RABGAP1L: variants seen among roughly 807,000 people sequenced by gnomAD.
RABGAP1L encodes the protein RAB GTPase activating protein 1 like.
In RABGAP1L, 63 loss-of-function variants were observed where a neutral mutation model predicts 137.7. That is an observed-to-expected ratio of 0.46 (90% CI 0.37 to 0.56). RABGAP1L has a LOEUF of 0.56. Among genes scored for constraint, RABGAP1L ranks in the 20% least tolerant of loss-of-function variants. The pLI, the probability that RABGAP1L is intolerant of heterozygous loss-of-function variation, is 0.00. For missense variants in RABGAP1L, 1,095 were observed against 1,244.0 expected (o/e 0.88, Z 1.80); for synonymous variants, 431 against 433.7 (o/e 0.99, Z 0.08).
intron 18 of RABGAP1L, among the ~76,000 whole-genome samples, chr1:174,780,887 A>G (rs906811971): frequency 6.6e-6 from 1 of 151,112 alleles, no homozygotes; most frequent in Non-Finnish European, 1.5e-5. Context: ...ATGTCCCTAC[A>G]AAGGACATGA....
chr1:174,177,069 C>G (rs1558005917), intron 1 of RABGAP1L, among the ~76,000 whole-genome samples: 1 of 152,132 alleles, frequency 6.6e-6, no homozygotes, highest in Admixed American at 6.5e-5. Context: ...GAGTGAGACC[C>G]TCTCTCAAAA....
At chr1:174,372,394 C>T (rs1190656138) in intron 12 of RABGAP1L, among the ~76,000 whole-genome samples, 2 of 151,956 alleles carry the variant, frequency 1.3e-5, no homozygotes, top group Non-Finnish European at 1.5e-5. Flanking sequence ...TGGTTATAGG[C>T]AGTGCTTTTT....
Position 174,745,003 on chromosome 1 carries a change from C to A in RABGAP1L, c.2170-7310C>A, listed in dbSNP as rs1017979054. Among the ~76,000 whole-genome samples the A allele has an allele frequency of 2.8e-4, 42 of 152,112 alleles. 1 individual carries two copies. Among genetic ancestry groups the A allele is most frequent in the Non-Finnish European group, 5.9e-5 (4 of 68,020 alleles). On this transcript the variant is annotated intron_variant, in intron 17 of 25. Transcript: ENST00000681986. ...TCCAAGTGAAAAAAAGTAATTAAAA[C>A]CAATCATTTATTTTCTTACAATCTC...
At chr1:174,924,901 GA>G (rs999594965) in intron 19 of RABGAP1L, among the ~76,000 whole-genome samples, 3 of 152,126 alleles carry the variant, frequency 2.0e-5, no homozygotes, top group Non-Finnish European at 4.4e-5. Context: ...AACTAATGTG[GA>G]AAAAATAGGA....
intron 13 of RABGAP1L, among the ~76,000 whole-genome samples, chr1:174,526,301 G>C (rs1006729797): frequency 3.9e-5 from 6 of 151,914 alleles, no homozygotes; most frequent in African/African-American, 1.5e-4. Context: ...TTTTGTTGTT[G>C]TTGTTGTTAT....
chr1:174,950,986 A>G (rs1667616662), intron 19 of RABGAP1L, among the ~76,000 whole-genome samples: 1 of 152,208 alleles, frequency 6.6e-6, no homozygotes, highest in Non-Finnish European at 1.5e-5. Context: ...GATAGCTCTT[A>G]CAAGTGACTG....
chr1:174,949,250 G>A (rs1667364571), intron 19 of RABGAP1L, among the ~76,000 whole-genome samples: 1 of 152,190 alleles, frequency 6.6e-6, no homozygotes, highest in African/African-American at 2.4e-5. Context: ...AATGATGTCA[G>A]ATTTGCATCC....
At chr1:174,798,396 C>T (rs1259238265) in intron 18 of RABGAP1L, among the ~76,000 whole-genome samples, 1 of 151,244 alleles carries the variant, frequency 6.6e-6, no homozygotes, top group African/African-American at 2.4e-5. Flanking sequence ...GAGCGACAAT[C>T]CGTTTCAAAC....
At chr1:174,349,049 G>T (rs1288939908) in intron 11 of RABGAP1L, among the ~76,000 whole-genome samples, 8 of 147,678 alleles carry the variant, frequency 5.4e-5, no homozygotes, top group South Asian at 2.2e-4. Flanking sequence ...CCGGGCGGGG[G>T]GGGGGCTGAC....
intron 13 of RABGAP1L, among the ~76,000 whole-genome samples, chr1:174,564,393 T>C (rs1667429547): frequency 6.6e-6 from 1 of 152,214 alleles, no homozygotes; most frequent in Non-Finnish European, 1.5e-5. Flanking sequence ...TATCAGCTAC[T>C]CTACCAGGTG....
chr1:174,889,510 T>C (rs1655762050), intron 19 of RABGAP1L, among the ~76,000 whole-genome samples: 1 of 152,128 alleles, frequency 6.6e-6, no homozygotes, highest in Non-Finnish European at 1.5e-5. Context: ...AGCCTCGAAC[T>C]CCTGGGCTCA....
At chr1:174,953,832 G>T (rs1324947129) in intron 19 of RABGAP1L, among the ~76,000 whole-genome samples, 8 of 152,230 alleles carry the variant, frequency 5.3e-5, no homozygotes, top group Non-Finnish European at 7.3e-5. Flanking sequence ...AGAAGGTTCT[G>T]CAGAGCCCCA....
chr1:174,340,829 A>G (rs1681908293), intron 11 of RABGAP1L, among the ~76,000 whole-genome samples: 1 of 152,154 alleles, frequency 6.6e-6, no homozygotes. Context: ...CTTCTTCTAG[A>G]TCTTTCGGGA....
intron 13 of RABGAP1L, chr1:174,544,904 A>G: frequency 1.0e-5 from 2 of 199,502 alleles, no homozygotes; most frequent in Admixed American, 5.1e-5. Context: ...TCACCAGTGG[A>G]AGCTGCAGAA....
At chr1:174,509,785 C>T (rs1487376831) in intron 13 of RABGAP1L, among the ~76,000 whole-genome samples, 2 of 152,182 alleles carry the variant, frequency 1.3e-5, no homozygotes, top group African/African-American at 4.8e-5. Flanking sequence ...TCCATCTAAT[C>T]ATCCCACCTC....
chr1:174,278,038 A>G (rs1024666985), intron 9 of RABGAP1L, among the ~76,000 whole-genome samples: 1 of 152,168 alleles, frequency 6.6e-6, no homozygotes, highest in Non-Finnish European at 1.5e-5. Context: ...AAGAAAATAA[A>G]TTTTAAAAAA....
intron 3 of RABGAP1L, among the ~76,000 whole-genome samples, chr1:174,223,264 T>TAA (rs550034492): frequency 0.31 from 12,342 of 39,400 alleles, 3,855 homozygotes; most frequent in Non-Finnish European, 0.47. Context: ...AGACTCTGTC[T>TAA]AAAAAAAAAA....
At chr1:174,327,991 A>ACG (rs1680652096) in intron 11 of RABGAP1L, among the ~76,000 whole-genome samples, 2 of 38,038 alleles carry the variant, frequency 5.3e-5, no homozygotes, top group African/African-American at 1.9e-4. Flanking sequence ...ACACACATAT[A>ACG]TATATATATA....
intron 13 of RABGAP1L, among the ~76,000 whole-genome samples, chr1:174,441,519 G>C (rs1341702342): frequency 1.3e-5 from 2 of 152,114 alleles, no homozygotes; most frequent in Non-Finnish European, 2.9e-5. Context: ...TGGATTACTT[G>C]AAGTCAGGAG....
Sources: gnomAD v4.1 joint callset for allele counts (sites outside exome capture counted in the v4.1 genomes callset) on GRCh38, gnomAD v4.1.1 for gene constraint, MANE v1.5 for transcripts, NCBI Gene and HGNC (gene_info 2026-07-23, HGNC 2026-07-21) for gene names.